The following FRAS1 variants were observed in gnomAD, a reference collection of about 807,000 sequenced individuals.
FRAS1 encodes Fraser extracellular matrix complex subunit 1, also known as extracellular matrix organizing protein FRAS1.
FRAS1 carries 290 observed loss-of-function variants against 435.2 expected under a neutral mutation model. That is an observed-to-expected ratio of 0.67 (90% confidence interval 0.61 to 0.73). FRAS1 has a LOEUF of 0.73. Ranked by LOEUF, FRAS1 falls within the 30% of genes least tolerant of loss-of-function variation. The pLI, the probability that FRAS1 is intolerant of heterozygous loss-of-function variation, is 0.00. For missense variants in FRAS1, 4,860 were observed against 5,001.5 expected, an observed-to-expected ratio of 0.97 and a Z score of 0.85; for synonymous variants, 1,800 against 1,851.0, an observed-to-expected ratio of 0.97 and a Z score of 0.71.
intron 9 of FRAS1, among the ~76,000 whole-genome samples, chr4:78,268,862 C>A (rs1726505196): frequency 1.3e-5 from 2 of 152,206 alleles, no homozygotes; most frequent in Admixed American, 6.5e-5. Context: ...GTATTCAAGT[C>A]ACCCCATAAC....
chr4:78,282,916 G>C lies in FRAS1; in HGVS notation c.1204G>C (p.Gly402Arg), dbSNP rs1727401840. ...GCCCTCTTGCCCACCATGTCCAGTG[G>C]GCACACTGGCCTTAGAGGTGAAGGG... ...YEPSCPPCPV[G>R]TLALEVKGQC... Residue 402 changes from glycine to arginine, a missense_variant, in exon 12 of 74, where the codon GGC (glycine) becomes CGC (arginine). Gly to Arg is a moderately radical substitution (Grantham distance 125). Coordinates refer to ENST00000512123, the MANE Select transcript of FRAS1 (RefSeq NM_025074.7). 1.9e-6 allele frequency: 3 copies of C among 1,610,868 alleles called. No individual in the cohort carries two copies. Among genetic ancestry groups the C allele is most frequent in the Non-Finnish European group, 2.5e-6 (3 of 1,178,830 alleles).
chr4:78,395,210 A>T (rs894295636), intron 29 of FRAS1, among the ~76,000 whole-genome samples: 16 of 151,872 alleles, frequency 1.1e-4, no homozygotes, highest in African/African-American at 3.9e-4. Flanking sequence ...TCTGGCTGGG[A>T]TGGCCAAAGA....
chr4:78,128,687 C>T (rs912008503), intron 2 of FRAS1, among the ~76,000 whole-genome samples: 33 of 151,916 alleles, frequency 2.2e-4, no homozygotes, highest in African/African-American at 7.5e-4. Flanking sequence ...GCAAAAATTT[C>T]CTCCCCTTCT....
rs1353567684 is a variant in FRAS1, at chr4:78,261,116, C to T, written c.604-3909C>T. Among the ~76,000 whole-genome samples the T allele has an allele frequency of 2.6e-5, 4 of 151,640 alleles. No homozygotes were observed. The East Asian group carries it at 5.8e-4, about 22-fold the overall frequency. The stretch of plus-strand genomic sequence containing the variant: ...TTCACTGTGCCTTTCCTCTGCATGG[C>T]GAGATTTTCTTAAGTTTATATCTAG... On this transcript the variant is annotated intron_variant, in intron 6 of 73. Coordinates refer to ENST00000512123, the MANE Select transcript of FRAS1 (RefSeq NM_025074.7).
chr4:78,064,265 A>G (rs1739889873), intron 1 of FRAS1, among the ~76,000 whole-genome samples: 1 of 150,922 alleles, frequency 6.6e-6, no homozygotes, highest in Non-Finnish European at 1.5e-5. Context: ...ATTCATTTAT[A>G]GACACTCCCT....
intron 2 of FRAS1, among the ~76,000 whole-genome samples, chr4:78,151,670 C>A (rs1720668299): frequency 6.6e-6 from 1 of 152,136 alleles, no homozygotes; most frequent in Non-Finnish European, 1.5e-5. Context: ...TATCTACTTG[C>A]AGGTGGAAAA....
At chr4:78,324,109 G>A (rs907185014) in intron 18 of FRAS1, among the ~76,000 whole-genome samples, 12 of 152,082 alleles carry the variant, frequency 7.9e-5, no homozygotes, top group Non-Finnish European at 7.4e-5. Flanking sequence ...CTCTCTTAAA[G>A]AGTTAGTAAA....
chr4:78,316,113 A>C (rs1056778632), intron 16 of FRAS1, among the ~76,000 whole-genome samples: 4 of 152,256 alleles, frequency 2.6e-5, no homozygotes, highest in Non-Finnish European at 4.4e-5. Flanking sequence ...CACCACAAAA[A>C]TAAAATTAAA....
chr4:78,319,107 T>A (rs1729395189), intron 18 of FRAS1, 121 bp downstream of exon 18: 1 of 1,020,074 alleles, frequency 9.8e-7, no homozygotes, highest in Non-Finnish European at 1.5e-6. Context: ...TAGATGCTTG[T>A]GAATAAAGCA....
intron 31 of FRAS1, among the ~76,000 whole-genome samples, chr4:78,409,755 C>T (rs1005977309): frequency 6.6e-6 from 1 of 152,108 alleles, no homozygotes; most frequent in Non-Finnish European, 1.5e-5. Flanking sequence ...GGGGATCAGC[C>T]AAAGCGGTGT....
At chr4:78,407,929 C>A in intron 31 of FRAS1, 88 bp downstream of exon 31, 1 of 1,174,322 alleles carries the variant, frequency 8.5e-7, no homozygotes, top group Non-Finnish European at 1.2e-6. Context: ...TAATTTTCTG[C>A]AGTTGACAGG....
At chr4:78,501,245 C>T in intron 61 of FRAS1, among the ~76,000 whole-genome samples, 1 of 152,102 alleles carries the variant, frequency 6.6e-6, no homozygotes, top group Non-Finnish European at 1.5e-5. Flanking sequence ...TGATAGTTTG[C>T]TGAGAATGAT....
chr4:78,322,159 A>G (rs1472638703), intron 18 of FRAS1, among the ~76,000 whole-genome samples: 1 of 152,140 alleles, frequency 6.6e-6, no homozygotes, highest in Admixed American at 6.5e-5. Flanking sequence ...CCTGAGTGTT[A>G]TGTGTGCTGA....
At chr4:78,200,038 G>A (rs750022087) in intron 2 of FRAS1, among the ~76,000 whole-genome samples, 2 of 152,164 alleles carry the variant, frequency 1.3e-5, no homozygotes, top group Non-Finnish European at 2.9e-5. Context: ...TATGATTTCT[G>A]TACAGAAGTA....
chr4:78,540,982 T>A lies in FRAS1; in HGVS notation c.11897T>A (p.Val3966Glu). 1 of 1,613,224 alleles carries A rather than the reference T, an allele frequency of 6.2e-7. No homozygotes were observed. Among genetic ancestry groups the A allele is most frequent in the Non-Finnish European group, 8.5e-7 (1 of 1,179,532 alleles). ...CACCCGGACCGGGTGGAGAAGAACG[T>A]GAATAGACACTACTGCACTGTGCGG... ...KRHPDRVEKN[V>E]NRHYCTVRNV... Residue 3966 changes from valine to glutamate, a missense_variant, in exon 74 of 74, where the codon GTG becomes GAG. Transcript: ENST00000512123.
chr4:78,094,160 T>G (rs1054301461), intron 2 of FRAS1, among the ~76,000 whole-genome samples: 1 of 148,138 alleles, frequency 6.8e-6, no homozygotes, highest in African/African-American at 2.5e-5. Flanking sequence ...GGAAAGCATG[T>G]GGTAGTACAT....
At chr4:78,532,537 A>G (rs1224448546) in intron 70 of FRAS1, among the ~76,000 whole-genome samples, 2 of 152,192 alleles carry the variant, frequency 1.3e-5, no homozygotes, top group Admixed American at 6.5e-5. Context: ...AGAGTACCTG[A>G]AATCTACTCT....
intron 47 of FRAS1, among the ~76,000 whole-genome samples, chr4:78,457,987 A>G (rs1719257313): frequency 6.6e-6 from 1 of 152,208 alleles, no homozygotes; most frequent in South Asian, 2.1e-4. Flanking sequence ...GAGGGACAGC[A>G]TCATGACAGC....
intron 35 of FRAS1, 132 bp from the exon 36 acceptor site, chr4:78,428,963 A>G: frequency 1.2e-6 from 1 of 841,430 alleles, no homozygotes; most frequent in Non-Finnish European, 1.8e-6. Context: ...AAGTAGTGCA[A>G]AAAAGTTTCT....
Sources: allele counts gnomAD v4.1 joint callset (sites outside exome capture counted in the v4.1 genomes callset), GRCh38; gene constraint gnomAD v4.1.1; transcripts MANE v1.5; gene names NCBI Gene and HGNC (gene_info 2026-07-23, HGNC 2026-07-21).